Variants in NOD2 observed in about 807,000 individuals in gnomAD.
The protein encoded by NOD2 is nucleotide binding oligomerization domain containing 2.
A neutral mutation model predicts 90.9 loss-of-function variants in NOD2; 86 were observed. The ratio of observed to expected loss-of-function variants is 0.95; its 90% CI spans 0.79 to 1.13. NOD2 has a LOEUF of 1.13. Among genes scored for constraint, NOD2 ranks in the 50% most tolerant of loss-of-function variants. The pLI is 0.00. For missense variants in NOD2, 1,238 were observed against 1,283.8 expected (o/e 0.96, Z 0.55); for synonymous variants, 581 against 554.6 (o/e 1.05, Z -0.67).
intron 8 of NOD2, among the ~76,000 whole-genome samples, chr16:50,723,085 TAAA>T (rs11292073): frequency 1.1e-4 from 13 of 116,928 alleles, no homozygotes; most frequent in African/African-American, 1.3e-4. Context: ...CTAAAAAAGC[TAAA>T]AAAAAAAAAA....
chr16:50,717,058 G>A, intron 6 of NOD2, 84 bp downstream of exon 6: 1 of 1,141,120 alleles, frequency 8.8e-7, no homozygotes, highest in Non-Finnish European at 1.3e-6. Context: ...GCCTGGCACT[G>A]CCCACACTGG....
chr16:50,709,985 A>G (rs1315174218), intron 3 of NOD2: 1 of 456,014 alleles, frequency 2.2e-6, no homozygotes, highest in Admixed American at 2.3e-5. Context: ...GGCTTGCCCA[A>G]GTGTATGGTG....
chr16:50,722,714 C>T lies in NOD2; in HGVS notation c.2717+9C>T. On this transcript the variant is annotated intron_variant, in intron 8 of 11. Coordinates refer to ENST00000647318, the MANE Select transcript of NOD2 (RefSeq NM_001370466.1). ...AGCTTGAGGTGGCTCAGGTAAGCTT[C>T]AGAGTCTATCCTGCAGTTTTCTTGG... is the stretch of plus-strand genomic sequence containing the variant. 6.2e-7 allele frequency: 1 copy of T among 1,613,786 alleles called. No individual in the cohort carries two copies. The highest frequency in any genetic ancestry group is 8.5e-7 in the Non-Finnish European group (1 of 1,179,650).
chr16:50,701,766 A>C (rs1963949802), intron 2 of NOD2, among the ~76,000 whole-genome samples: 1 of 152,212 alleles, frequency 6.6e-6, no homozygotes, highest in African/African-American at 2.4e-5. Context: ...AAGAAATGGG[A>C]TAACTCATGG....
At chr16:50,707,990 G>A (rs1267620640) in intron 3 of NOD2, 30 bp downstream of exon 3, 5 of 1,456,622 alleles carry the variant, frequency 3.4e-6, no homozygotes, top group Non-Finnish European at 3.9e-6. Flanking sequence ...TAATCAGAAA[G>A]GGAAGGGCAG....
In NOD2 at chr16:50,699,761, C is replaced by T; in HGVS notation, c.266C>T (p.Ser89Phe). ...CAAGAAGCCCAGGCCGACAGCCAGT[C>T]CCCCAAGCTGCATGGCTGCTGGGAC... ...AAQEAQADSQ[S>F]PKLHGCWDPH... The change falls in exon 2 of 12, where the codon TCC becomes TTC. Residue 89 changes from serine to phenylalanine, a missense_variant. By Grantham distance (155) the Ser-to-Phe change is radical (BLOSUM62 -2). Around this residue, in one of 3 missense-constraint regions of NOD2, gnomAD observed 567 missense variants for 577.3 expected, o/e 0.98. Coordinates refer to ENST00000647318, the MANE Select transcript of NOD2 (RefSeq NM_001370466.1). 1 of 1,613,942 alleles carries T rather than the reference C, an allele frequency of 6.2e-7. No homozygotes were observed. Among genetic ancestry groups the T allele is most frequent in the East Asian group, 2.2e-5 (1 of 44,876 alleles).
chr16:50,711,171 C>T lies in NOD2; in HGVS notation c.1179C>T (p.Arg393=). 1 of 1,614,154 alleles carries T rather than the reference C, an allele frequency of 6.2e-7. No homozygotes were observed. Among genetic ancestry groups the T allele is most frequent in the South Asian group, 1.1e-5 (1 of 91,082 alleles). ...LLQGNLLKNA[R]KVVTSRPAAV... Reference sequence around the variant, plus strand: ...AGGGCAACCTGCTGAAGAATGCCCGCAAGGTGGTGACCAGCCGTCCGGCCG... The same window carrying T: ...AGGGCAACCTGCTGAAGAATGCCCGTAAGGTGGTGACCAGCCGTCCGGCCG... Residue 393 remains arginine, a synonymous_variant, in exon 4 of 12, where the codon CGC becomes CGT. Transcript: ENST00000647318.
At chr16:50,699,459 T>C in intron 1 of NOD2, 29 bp from the exon 2 acceptor site, 1 of 1,599,062 alleles carries the variant, frequency 6.3e-7, no homozygotes, top group Non-Finnish European at 8.6e-7. Context: ...TCTGGAGAAG[T>C]CCCGCACTGA....
At chr16:50,726,576 G>A (rs1170259131) in intron 10 of NOD2, among the ~76,000 whole-genome samples, 1 of 152,170 alleles carries the variant, frequency 6.6e-6, no homozygotes, top group Non-Finnish European at 1.5e-5. Flanking sequence ...CTGAGGGTCG[G>A]CCTTTGGGAA....
chr16:50,722,727 G>T (rs1965115541), intron 8 of NOD2, 22 bp downstream of exon 8: 2 of 1,611,952 alleles, frequency 1.2e-6, no homozygotes, highest in African/African-American at 1.3e-5. Flanking sequence ...AGTCTATCCT[G>T]CAGTTTTCTT....
intron 5 of NOD2, 40 bp from the exon 6 acceptor site, chr16:50,716,851 T>A (rs1412209534): frequency 6.3e-7 from 1 of 1,595,384 alleles, no homozygotes; most frequent in East Asian, 2.2e-5. Context: ...CTGTCCAATG[T>A]GCTTTGCTTC....
Position 50,699,613 on chromosome 16 carries a change from T to C in NOD2, c.118T>C (p.Ser40Pro), listed in dbSNP as rs760962549. Reference sequence around the variant, plus strand: ...CTGGCTGCTGTCCTGGGAGGTCCTCTCCTGGGAGGACTACGAGGGCTTCCA... The same window carrying C: ...CTGGCTGCTGTCCTGGGAGGTCCTCCCCTGGGAGGACTACGAGGGCTTCCA... ...LDWLLSWEVL[S>P]WEDYEGFHLL... Residue 40 changes from serine to proline, a missense_variant, in exon 2 of 12, where the codon TCC (serine) becomes CCC (proline). Ser to Pro is a moderately conservative substitution (Grantham distance 74, BLOSUM62 -1). Coordinates refer to ENST00000647318, the MANE Select transcript of NOD2 (RefSeq NM_001370466.1). 3.1e-6 allele frequency: 5 copies of C among 1,614,078 alleles called. No individual in the cohort carries two copies. In the East Asian group the frequency reaches 1.1e-4, roughly 36 times the overall value.
intron 6 of NOD2, chr16:50,719,699 G>T: frequency 1.5e-6 from 1 of 667,064 alleles, no homozygotes; most frequent in Non-Finnish European, 2.8e-6. Context: ...TTGTCACACT[G>T]CTGTGCAAAC....
At chr16:50,720,642 AG>A (rs1401533893) in intron 7 of NOD2, among the ~76,000 whole-genome samples, 1 of 152,224 alleles carries the variant, frequency 6.6e-6, no homozygotes, top group Non-Finnish European at 1.5e-5. Context: ...TGTTTCCAGC[AG>A]CCTCTCTCCT....
rs1010228353 is a variant in NOD2 at position 50,710,480 on chromosome 16, C to T, written c.566-78C>T. The T allele has an allele frequency of 3.1e-6, 5 of 1,598,380 alleles. No homozygotes were observed. In the East Asian group the frequency reaches 8.9e-5, roughly 29 times the overall value. Reference sequence around the variant, plus strand: ...ATCCCTTCAGTTATGTCAGCGTCCCCCGCAGCAGCCCATTGTCTGGTTAGG... The same window carrying T: ...ATCCCTTCAGTTATGTCAGCGTCCCTCGCAGCAGCCCATTGTCTGGTTAGG... On this transcript the variant is annotated intron_variant, in intron 3 of 11. Coordinates refer to ENST00000647318, the MANE Select transcript of NOD2 (RefSeq NM_001370466.1).
chr16:50,699,673 C>A lies in NOD2; in HGVS notation c.178C>A (p.Arg60Ser). 1 of 1,614,154 alleles carries A rather than the reference C, an allele frequency of 6.2e-7. No individual in the cohort carries two copies. Among genetic ancestry groups the A allele is most frequent in the Non-Finnish European group, 8.5e-7 (1 of 1,180,018 alleles). The change falls in exon 2 of 12, where the codon CGC becomes AGC. Residue 60 changes from arginine (R) to serine (S), a missense_variant. By Grantham distance (110) the Arg-to-Ser change is moderately radical. Coordinates refer to ENST00000647318, the MANE Select transcript of NOD2 (RefSeq NM_001370466.1). ...CCAGCCTCTCTCCCACTTGGCCAGG[C>A]GCCTTCTGGACACCGTCTGGAATAA... is the stretch of plus-strand genomic sequence containing the variant. ...LGQPLSHLAR[R>S]LLDTVWNKGT...
chr16:50,719,853 G>T, intron 6 of NOD2, 72 bp from the exon 7 acceptor site: 1 of 1,379,844 alleles, frequency 7.2e-7, no homozygotes, highest in Non-Finnish European at 1.0e-6. Context: ...TGTTTCCCTG[G>T]CCAGGGCACA....
At chr16:50,727,138 C>CA (rs1184511634) in intron 10 of NOD2, among the ~76,000 whole-genome samples, 3,136 of 86,736 alleles carry the variant, frequency 0.036, 48 homozygotes, top group African/African-American at 0.043. Context: ...ACTTCCATCT[C>CA]AAAAAAAAAA....
chr16:50,714,229 G>C (rs529197002), intron 4 of NOD2, among the ~76,000 whole-genome samples: 108 of 152,228 alleles, frequency 7.1e-4, no homozygotes, highest in African/African-American at 2.6e-3. Flanking sequence ...GTGTGCAGAA[G>C]GGCTCTGGGA....
Sources: gnomAD v4.1 joint callset for allele counts (sites outside exome capture counted in the v4.1 genomes callset) on GRCh38, gnomAD v4.1.1 for gene constraint, gnomAD v4.1.1 regional missense constraint, MANE v1.5 for transcripts, NCBI Gene and HGNC (gene_info 2026-07-23, HGNC 2026-07-21) for gene names.